PCNT: variants seen among roughly 807,000 people sequenced by gnomAD.
The protein encoded by PCNT is pericentrin.
A neutral mutation model predicts 380.4 loss-of-function variants in PCNT; 319 were observed. That is an observed-to-expected ratio of 0.84 (90% CI 0.77 to 0.92). The LOEUF (loss-of-function observed/expected upper bound fraction) is 0.92, where lower values mean the gene tolerates loss of function less well. Among genes scored for constraint, PCNT ranks in the 40% least tolerant of loss-of-function variants. PCNT has a pLI of 0.00. For missense variants in PCNT, 4,400 were observed against 4,255.3 expected, an observed-to-expected ratio of 1.03 and a Z score of -0.95; for synonymous variants, 1,845 against 1,735.2, an observed-to-expected ratio of 1.06 and a Z score of -1.57.
intron 15 of PCNT, among the ~76,000 whole-genome samples, chr21:46,368,743 C>T (rs1410820059): frequency 6.6e-6 from 1 of 152,220 alleles, no homozygotes; most frequent in East Asian, 1.9e-4. Flanking sequence ...ATAGGCCTGG[C>T]TGCACGGTGG....
intron 13 of PCNT, among the ~76,000 whole-genome samples, chr21:46,358,600 T>TTTG (rs942649021): frequency 5.3e-5 from 8 of 151,760 alleles, no homozygotes; most frequent in African/African-American, 1.7e-4. Context: ...CAAGTGACTT[T>TTTG]TTGTTGTTGT....
intron 27 of PCNT, among the ~76,000 whole-genome samples, chr21:46,404,224 C>G (rs1215331650): frequency 6.6e-6 from 1 of 152,230 alleles, no homozygotes. Flanking sequence ...GTGGGAGAGT[C>G]TCAAAAAACA....
chr21:46,437,824 C>T (rs958475287), intron 40 of PCNT, among the ~76,000 whole-genome samples: 5 of 152,206 alleles, frequency 3.3e-5, no homozygotes, highest in African/African-American at 9.6e-5. Flanking sequence ...ACAGGCTGAA[C>T]GTCCTTTTGA....
chr21:46,435,214 G>T (rs1006416633), intron 38 of PCNT, among the ~76,000 whole-genome samples: 1 of 151,666 alleles, frequency 6.6e-6, no homozygotes, highest in Non-Finnish European at 1.5e-5. Context: ...GGCAGTTGTT[G>T]TTTTTTTTGT....
chr21:46,375,350 C>G (rs906365261), intron 15 of PCNT, among the ~76,000 whole-genome samples: 1 of 152,138 alleles, frequency 6.6e-6, no homozygotes, highest in African/African-American at 2.4e-5. Context: ...TTTGAATGTC[C>G]TAAATGCGTT....
At chr21:46,418,344 A>G in intron 31 of PCNT, 38 bp downstream of exon 31, 1 of 1,210,018 alleles carries the variant, frequency 8.3e-7, no homozygotes, top group Non-Finnish European at 1.2e-6. Flanking sequence ...TTTTTATTTC[A>G]GTGGTTTCCT....
chr21:46,357,787 A>C (rs2084530428), intron 13 of PCNT, among the ~76,000 whole-genome samples: 1 of 152,140 alleles, frequency 6.6e-6, no homozygotes, highest in African/African-American at 2.4e-5. Context: ...CTCTGGGAGG[A>C]GGCACAAGCC....
In PCNT at chr21:46,366,886, T is replaced by A; in HGVS notation, c.2912T>A (p.Leu971Ter). Residue 971 changes from leucine to a stop codon, truncating the protein, a stop_gained, in exon 15 of 47, where the codon TTG (leucine) becomes TAG (stop). Transcript: ENST00000359568. LOFTEE classifies it high-confidence loss of function. ...ETRHLSSLDS[L>*]ESCYLSEFQT... ...AGACATCTGTCCAGCCTTGATTCTT[T>A]GGAATCCTGTTACCTCTCTGAATTT... 6.2e-7 allele frequency: 1 copy of A among 1,614,178 alleles called. No individual in the cohort carries two copies. Among genetic ancestry groups the A allele is most frequent in the Non-Finnish European group, 8.5e-7 (1 of 1,180,038 alleles).
intron 1 of PCNT, 73 bp downstream of exon 1, chr21:46,324,355 C>T (rs2083283019): frequency 1.6e-6 from 2 of 1,268,488 alleles, no homozygotes; most frequent in Admixed American, 2.0e-5. Context: ...CCCGCCACCG[C>T]CCCCTGCCAG....
chr21:46,333,836 C>CAA (rs568452326), intron 2 of PCNT, among the ~76,000 whole-genome samples: 10 of 82,142 alleles, frequency 1.2e-4, no homozygotes, highest in Admixed American at 3.9e-4. Context: ...GACTCCGTCT[C>CAA]AAAAAAAAAA....
Position 46,411,952 on chromosome 21 carries a change from G to T in PCNT, c.5879G>T (p.Arg1960Leu). 6.3e-7 allele frequency: 1 copy of T among 1,597,506 alleles called. No homozygotes were observed. The part of the protein sequence containing the change: ...RQARRATAHT[R>L]VPGAHPQPRM... ...GCCCGCAGAGCCACAGCTCACACAC[G>T]GGTGCCCGGGGCCCACCCACAGCCT... Residue 1960 changes from arginine to leucine, a missense_variant, in exon 28 of 47, where the codon CGG (arginine) becomes CTG (leucine). Physicochemically the swap from Arg to Leu is moderately radical, Grantham distance 102. Coordinates refer to ENST00000359568, the MANE Select transcript of PCNT (RefSeq NM_006031.6).
At chr21:46,387,410 T>C (rs2085875803) in intron 17 of PCNT, among the ~76,000 whole-genome samples, 1 of 152,058 alleles carries the variant, frequency 6.6e-6, no homozygotes, top group Non-Finnish European at 1.5e-5. Flanking sequence ...GGGCGGTCTG[T>C]GCTCTTAACT....
In PCNT at chr21:46,383,198, A is replaced by G. The variant is rs376737306; in HGVS notation, c.3312+1358A>G. 8.0e-3 allele frequency among the ~76,000 whole-genome samples: 841 copies of G among 105,000 alleles called. 2 individuals carry two copies. The highest frequency in any genetic ancestry group is 0.011 in the African/African-American group (312 of 27,168). 68.9% of individuals were successfully genotyped at this position (105,000 alleles called of 152,430 possible). ...GTGTTGTATATTCAGTGGCGGAAGC[A>G]CATTCACCATGTTGTATATTCAGTG... On this transcript the variant is annotated intron_variant, in intron 16 of 46. Transcript: ENST00000359568.
At chr21:46,436,191 C>G (rs1256438081) in intron 39 of PCNT, 43 bp downstream of exon 39, 2 of 1,598,848 alleles carry the variant, frequency 1.3e-6, no homozygotes, top group Non-Finnish European at 1.7e-6. Context: ...CCCTTGCAGC[C>G]ACCCCTCTGT....
intron 16 of PCNT, among the ~76,000 whole-genome samples, chr21:46,385,312 T>G (rs141620717): frequency 0.046 from 7,074 of 152,210 alleles, 214 homozygotes; most frequent in Non-Finnish European, 0.063. Flanking sequence ...GCTGTGATTG[T>G]GCCACTGCAC....
At chr21:46,371,247 CAAAA>C (rs2085117578) in intron 15 of PCNT, among the ~76,000 whole-genome samples, 1 of 143,564 alleles carries the variant, frequency 7.0e-6, no homozygotes, top group Non-Finnish European at 1.5e-5. Context: ...GACGGAGTCT[CAAAA>C]AAAGTCTAGA....
chr21:46,366,534 T>G lies in PCNT; in HGVS notation c.2610-50T>G, dbSNP rs9637173. On this transcript the variant is annotated intron_variant, in intron 14 of 46. Coordinates refer to ENST00000359568, the MANE Select transcript of PCNT (RefSeq NM_006031.6). ...ACTGACTTGGCTTTTGCAAGGGTCATTGCTTCCTGATGCATGTTTAACTGT... is the reference window on the plus strand; with the variant it reads ...ACTGACTTGGCTTTTGCAAGGGTCAGTGCTTCCTGATGCATGTTTAACTGT... 0.066 allele frequency: 99,209 copies of G among 1,514,226 alleles called. 4,835 individuals carry two copies. Among genetic ancestry groups the G allele is most frequent in the Admixed American group, 0.24 (14,426 of 59,852 alleles). The allele number at this position is 1,514,226 out of a possible 1,614,324, so 93.8% of individuals were successfully genotyped here. A position where few individuals can be genotyped will look rare whatever the true frequency, so the allele number is the denominator to read the frequency against.
At chr21:46,346,087 A>G (rs764407805) in intron 3 of PCNT, 41 bp from the exon 4 acceptor site, 18 of 1,579,108 alleles carry the variant, frequency 1.1e-5, no homozygotes, top group Admixed American at 1.7e-5. Context: ...GTGGCTTCTC[A>G]TGTGAATTCT....
At position 46,432,005 on chromosome 21, in the gene PCNT, G is replaced by A; in HGVS notation, c.8541G>A (p.Val2847=). The change falls in exon 38 of 47, where the codon GTG becomes GTA. Residue 2847 remains valine (V), a synonymous_variant. Coordinates refer to ENST00000359568, the MANE Select transcript of PCNT (RefSeq NM_006031.6). ...KEVSATLKST[V]EALHTQKREL... ...TAAGTGCCACACTGAAGTCGACGGT[G>A]GAAGCCCTGCACACCCAAAAACGAG... The A allele has an allele frequency of 1.9e-6, 3 of 1,613,894 alleles. No homozygotes were observed. The highest frequency in any genetic ancestry group is 2.5e-6 in the Non-Finnish European group (3 of 1,180,034).
Sources: allele counts gnomAD v4.1 joint callset (sites outside exome capture counted in the v4.1 genomes callset), GRCh38; gene constraint gnomAD v4.1.1; transcripts MANE v1.5; gene names NCBI Gene and HGNC (gene_info 2026-07-23, HGNC 2026-07-21).